Variants in PDLIM5 observed in about 807,000 individuals in gnomAD.
PDLIM5 encodes the protein PDZ and LIM domain protein 5.
PDLIM5 carries 34 observed loss-of-function variants against 64.2 expected under a neutral mutation model. The observed-to-expected ratio is 0.53, with a 90% confidence interval of 0.40 to 0.71. PDLIM5 has a LOEUF of 0.71. Ranked by LOEUF, PDLIM5 falls within the 30% of genes least tolerant of loss-of-function variation. The pLI, the probability that PDLIM5 is intolerant of heterozygous loss-of-function variation, is 0.00. For synonymous variants in PDLIM5, 253 were observed against 269.1 expected, an observed-to-expected ratio of 0.94 and a Z score of 0.59; for missense variants, 683 against 733.6, an observed-to-expected ratio of 0.93 and a Z score of 0.80.
At chr4:94,452,046 G>A (rs899590003) in intron 1 of PDLIM5, 51 bp downstream of exon 1, 3 of 152,330 alleles carry the variant, frequency 2.0e-5, no homozygotes, top group Non-Finnish European at 4.4e-5. Flanking sequence ...GGTGGGAGAA[G>A]GGAAAGAACC....
intron 9 of PDLIM5, among the ~76,000 whole-genome samples, chr4:94,648,117 T>C (rs745842236): frequency 1.3e-5 from 2 of 151,934 alleles, no homozygotes; most frequent in Non-Finnish European, 2.9e-5. Context: ...TAGAAAAAGA[T>C]CAAACTAAGT....
intron 2 of PDLIM5, chr4:94,456,175 T>A: frequency 2.2e-6 from 1 of 455,254 alleles, no homozygotes; most frequent in East Asian, 3.9e-5. Flanking sequence ...TTCCATCTTC[T>A]TTTACTCAAA....
intron 2 of PDLIM5, among the ~76,000 whole-genome samples, chr4:94,490,919 A>G (rs1387291118): frequency 1.3e-5 from 2 of 152,174 alleles, no homozygotes; most frequent in African/African-American, 4.8e-5. Flanking sequence ...TTATACTGCT[A>G]TGTGAATGTG....
At chr4:94,483,316 A>G (rs982948026) in intron 2 of PDLIM5, among the ~76,000 whole-genome samples, 3 of 152,138 alleles carry the variant, frequency 2.0e-5, no homozygotes, top group Non-Finnish European at 4.4e-5. Context: ...TAATGTGGAA[A>G]TTTTCAGCAT....
chr4:94,659,807 C>T (rs1742532522), intron 11 of PDLIM5, among the ~76,000 whole-genome samples: 2 of 151,206 alleles, frequency 1.3e-5, no homozygotes, highest in South Asian at 4.2e-4. Flanking sequence ...GGATTACAAG[C>T]GTGAGCCACC....
intron 2 of PDLIM5, among the ~76,000 whole-genome samples, chr4:94,478,897 T>TTTTG (rs1725583134): frequency 7.3e-6 from 1 of 136,170 alleles, no homozygotes; most frequent in Non-Finnish European, 1.5e-5. Flanking sequence ...GGTGTTTTTT[T>TTTTG]TTTTTTTTTT....
Position 94,589,634 on chromosome 4 carries a change from A to G in PDLIM5, c.920+3190A>G, listed in dbSNP as rs73837450. ...TGACTTGTTTTTGTTTGTCTCTCTT[A>G]TACAGACTTTCTTCATTATAGGCTT... On this transcript the variant is annotated intron_variant, in intron 7 of 12. Transcript: ENST00000317968. Among the ~76,000 whole-genome samples the G allele has an allele frequency of 5.3e-3, 807 of 152,282 alleles. 9 individuals carry two copies. The highest frequency in any genetic ancestry group is 0.019 in the African/African-American group (772 of 41,550).
rs915655341 is a variant in PDLIM5 at position 94,537,662 on chromosome 4, C to G, written c.248+13787C>G. Among the ~76,000 whole-genome samples the G allele has an allele frequency of 2.0e-5, 3 of 152,062 alleles. No individual in the cohort carries two copies. The East Asian group carries it at 5.8e-4, about 29-fold the overall frequency. Reference sequence around the variant, plus strand: ...GAACTTAAACACTTTAAATTGTTACCTCTAAGAAGTTACTGAGGTAGGAAC... The same window carrying G: ...GAACTTAAACACTTTAAATTGTTACGTCTAAGAAGTTACTGAGGTAGGAAC... On this transcript the variant is annotated intron_variant, in intron 3 of 12. Transcript: ENST00000317968.
intron 2 of PDLIM5, among the ~76,000 whole-genome samples, chr4:94,457,906 A>G (rs2126075045): frequency 6.6e-6 from 1 of 152,316 alleles, no homozygotes; most frequent in East Asian, 1.9e-4. Flanking sequence ...TTCTCTTACA[A>G]AAGTCTCTGC....
At chr4:94,596,079 A>G (rs1737046206) in intron 7 of PDLIM5, among the ~76,000 whole-genome samples, 1 of 152,198 alleles carries the variant, frequency 6.6e-6, no homozygotes, top group Non-Finnish European at 1.5e-5. Context: ...ACTACAATGT[A>G]AAGGTCGCCA....
Position 94,468,577 on chromosome 4 carries a change from G to C in PDLIM5, c.96+13193G>C, listed in dbSNP as rs550435435. ...TTGTCTGGACATAATATGGAGATTA[G>C]GAGAGCCTAAGAGAAGCAGATGTTT... is the stretch of plus-strand genomic sequence containing the variant. On this transcript the variant is annotated intron_variant, in intron 2 of 12. Transcript: ENST00000317968. Among the ~76,000 whole-genome samples, 3 of 152,316 alleles carry C rather than the reference G, an allele frequency of 2.0e-5. No individual in the cohort carries two copies. The South Asian group carries it at 6.2e-4, about 32-fold the overall frequency.
chr4:94,537,536 C>T (rs1374698290), intron 3 of PDLIM5, among the ~76,000 whole-genome samples: 1 of 151,988 alleles, frequency 6.6e-6, no homozygotes, highest in Non-Finnish European at 1.5e-5. Flanking sequence ...AATAGTATTT[C>T]TTCTGAGATA....
intron 2 of PDLIM5, among the ~76,000 whole-genome samples, chr4:94,492,521 A>T (rs1239298259): frequency 6.6e-6 from 1 of 152,126 alleles, no homozygotes; most frequent in African/African-American, 2.4e-5. Context: ...TCCAAGAGGA[A>T]ACTTGGTACC....
chr4:94,623,574 T>G (rs1481547401), intron 8 of PDLIM5, among the ~76,000 whole-genome samples: 2 of 152,152 alleles, frequency 1.3e-5, no homozygotes, highest in African/African-American at 4.8e-5. Context: ...TTTACGACTG[T>G]TTTTAGATTC....
intron 9 of PDLIM5, among the ~76,000 whole-genome samples, chr4:94,641,490 TTTTG>T (rs1248302358): frequency 2.6e-5 from 4 of 152,214 alleles, no homozygotes; most frequent in South Asian, 4.1e-4. Context: ...TGAATAGTTT[TTTTG>T]TTTGTTTGTT....
intron 7 of PDLIM5, chr4:94,587,497 A>G (rs1219585146): frequency 3.3e-5 from 29 of 891,234 alleles, no homozygotes; most frequent in Non-Finnish European, 3.9e-5. Context: ...TCCCAAGATT[A>G]CTTTTTAAGT....
chr4:94,540,734 C>T (rs1371644157), intron 3 of PDLIM5, among the ~76,000 whole-genome samples: 1 of 152,170 alleles, frequency 6.6e-6, no homozygotes, highest in African/African-American at 2.4e-5. Context: ...TTTTCCATTG[C>T]TTACCTTCTA....
intron 2 of PDLIM5, among the ~76,000 whole-genome samples, chr4:94,466,943 A>C (rs767637895): frequency 6.6e-6 from 1 of 152,238 alleles, no homozygotes; most frequent in Non-Finnish European, 1.5e-5. Flanking sequence ...ATCCTTGGCT[A>C]TACTAGGTTT....
At chr4:94,510,166 A>C (rs996186002) in intron 2 of PDLIM5, among the ~76,000 whole-genome samples, 1 of 152,224 alleles carries the variant, frequency 6.6e-6, no homozygotes, top group East Asian at 1.9e-4. Flanking sequence ...TTCTTTCTAA[A>C]GAAACAACAA....
Sources: gnomAD v4.1 joint callset for allele counts (sites outside exome capture counted in the v4.1 genomes callset) on GRCh38, gnomAD v4.1.1 for gene constraint, MANE v1.5 for transcripts, NCBI Gene and HGNC (gene_info 2026-07-23, HGNC 2026-07-21) for gene names.